SLCO3A1: variants seen among roughly 807,000 people sequenced by gnomAD.
SLCO3A1 encodes PGE1 transporter.
Under a neutral mutation model 63.1 loss-of-function variants are expected in SLCO3A1, and 27 were observed. That is an observed-to-expected ratio of 0.43 (90% CI 0.32 to 0.59). The LOEUF (loss-of-function observed/expected upper bound fraction) is 0.59. SLCO3A1 is among the 20% of genes least tolerant of loss of function. The probability of loss-of-function intolerance (pLI) is 0.09; values close to 1 mark genes in which losing one functional copy is unlikely to be tolerated. For missense variants in SLCO3A1, 773 were observed against 945.8 expected (o/e 0.82, Z 2.40); for synonymous variants, 473 against 409.9 (o/e 1.15, Z -1.86).
intron 10 of SLCO3A1, chr15:92,171,736 G>T: frequency 3.7e-6 from 5 of 1,357,014 alleles, no homozygotes; most frequent in African/African-American, 2.9e-5. Flanking sequence ...AGAAAAGACC[G>T]ATCTCTTTTT....
At chr15:91,914,461 T>C (rs1418896547) in intron 1 of SLCO3A1, among the ~76,000 whole-genome samples, 1 of 152,126 alleles carries the variant, frequency 6.6e-6, no homozygotes, top group African/African-American at 2.4e-5. Flanking sequence ...CCCTCCATGA[T>C]CTGTATTGTG....
At chr15:92,016,917 G>A (rs1017816734) in intron 2 of SLCO3A1, among the ~76,000 whole-genome samples, 5 of 152,148 alleles carry the variant, frequency 3.3e-5, no homozygotes, top group Non-Finnish European at 7.3e-5. Flanking sequence ...GGGCTTGATC[G>A]CACATTTGAA....
At chr15:92,103,000 C>T (rs896410971) in intron 3 of SLCO3A1, among the ~76,000 whole-genome samples, 1 of 152,182 alleles carries the variant, frequency 6.6e-6, no homozygotes, top group Non-Finnish European at 1.5e-5. Context: ...GGAAGGTTGG[C>T]TGGAACAGTT....
At chr15:91,978,872 T>A (rs1488934165) in intron 2 of SLCO3A1, among the ~76,000 whole-genome samples, 3 of 152,254 alleles carry the variant, frequency 2.0e-5, no homozygotes, top group African/African-American at 7.2e-5. Flanking sequence ...ATTGACCATA[T>A]CTGGCCCTTT....
chr15:92,135,189 C>A (rs891629617), intron 7 of SLCO3A1, among the ~76,000 whole-genome samples: 1 of 152,054 alleles, frequency 6.6e-6, no homozygotes. Flanking sequence ...ATGGAGGGGC[C>A]CTGTGTTCCT....
chr15:91,884,338 G>A (rs1004104134), intron 1 of SLCO3A1, among the ~76,000 whole-genome samples: 8 of 151,994 alleles, frequency 5.3e-5, no homozygotes, highest in South Asian at 4.2e-4. Flanking sequence ...GGGAAACACC[G>A]TCTCTACTTA....
rs532796532 is a variant in SLCO3A1, at chr15:91,874,395, C to G, written c.180+20307C>G. ...TTCTTCCCAGAGGGAAACTCCATAC[C>G]CATTAAAGATCACTGCCCACTCCCC... On this transcript the variant is annotated intron_variant, in intron 1 of 9. Transcript: ENST00000318445. Among the ~76,000 whole-genome samples the G allele has an allele frequency of 3.9e-5, 6 of 152,132 alleles. No individual in the cohort carries two copies. The South Asian group carries it at 1.2e-3, about 32-fold the overall frequency.
At chr15:92,102,825 G>A (rs1489402907) in intron 3 of SLCO3A1, among the ~76,000 whole-genome samples, 1 of 152,192 alleles carries the variant, frequency 6.6e-6, no homozygotes, top group African/African-American at 2.4e-5. Flanking sequence ...AGACATTGAA[G>A]AGGGGCAGTG....
chr15:91,930,227 C>T (rs1162670306), intron 2 of SLCO3A1, among the ~76,000 whole-genome samples: 1 of 152,170 alleles, frequency 6.6e-6, no homozygotes, highest in Non-Finnish European at 1.5e-5. Flanking sequence ...GCCTCCTCTA[C>T]TCGTCCCCTC....
intron 8 of SLCO3A1, 112 bp downstream of exon 8, chr15:92,147,271 G>C: frequency 1.8e-6 from 2 of 1,083,620 alleles, no homozygotes; most frequent in East Asian, 2.4e-5. Context: ...AGGTGAGCTA[G>C]GGCCACAGCA....
chr15:92,165,165 T>C lies in SLCO3A1; in HGVS notation c.*2030T>C. The C allele has an allele frequency of 1.0e-6, 1 of 985,382 alleles. No individual in the cohort carries two copies. The highest frequency in any genetic ancestry group is 1.2e-6 in the Non-Finnish European group (1 of 829,920). The allele number at this position is 985,382 out of a possible 1,614,324, so 61.0% of individuals were successfully genotyped here. ...GCAAGACCAACCAAAAGAAAAGCTG[T>C]GTCGTGGTATGGGGCCACCGTGATC... On this transcript the variant is annotated 3_prime_UTR_variant, in exon 10 of 10. Transcript: ENST00000318445.
Position 91,950,668 on chromosome 15 carries a change from T to C in SLCO3A1, c.646+34210T>C, listed in dbSNP as rs1458903305. ...TCCCGCTGTTTATTTAATGTACATGTTGTCTGACTTCATTTGGTTCTGTAT... is the reference window on the plus strand; with the variant it reads ...TCCCGCTGTTTATTTAATGTACATGCTGTCTGACTTCATTTGGTTCTGTAT... On this transcript the variant is annotated intron_variant, in intron 2 of 9. Coordinates refer to ENST00000318445, the MANE Select transcript of SLCO3A1 (RefSeq NM_013272.4). The surrounding 1 kb of genome is among the most constrained non-coding windows in gnomAD (Gnocchi z 4.4). Among the ~76,000 whole-genome samples the C allele has an allele frequency of 6.6e-6, 1 of 152,246 alleles. No individual in the cohort carries two copies. Among genetic ancestry groups the C allele is most frequent in the Non-Finnish European group, 1.5e-5 (1 of 68,040 alleles).
intron 2 of SLCO3A1, among the ~76,000 whole-genome samples, chr15:92,020,723 C>G (rs1313388802): frequency 6.6e-6 from 1 of 152,200 alleles, no homozygotes; most frequent in African/African-American, 2.4e-5. Context: ...TAGCTGGCTT[C>G]TTTTGACATT....
intron 2 of SLCO3A1, among the ~76,000 whole-genome samples, chr15:91,918,930 C>A (rs931703516): frequency 2.0e-5 from 3 of 152,194 alleles, no homozygotes; most frequent in African/African-American, 7.2e-5. Context: ...GGGCCCACAA[C>A]CAATTGTCTG....
At chr15:91,922,821 A>G (rs1411712863) in intron 2 of SLCO3A1, among the ~76,000 whole-genome samples, 2 of 152,212 alleles carry the variant, frequency 1.3e-5, no homozygotes, top group Admixed American at 1.3e-4. Flanking sequence ...TTTTGGCCAT[A>G]TTCCATTCCC....
chr15:91,855,216 C>T (rs1030488555), intron 1 of SLCO3A1, among the ~76,000 whole-genome samples: 22 of 152,190 alleles, frequency 1.4e-4, no homozygotes, highest in African/African-American at 4.6e-4. Context: ...ATTAATCCCT[C>T]ATTCCTGGCC....
At chr15:91,953,863 C>A (rs112109513) in intron 2 of SLCO3A1, among the ~76,000 whole-genome samples, 1 of 152,090 alleles carries the variant, frequency 6.6e-6, no homozygotes, top group African/African-American at 2.4e-5. Flanking sequence ...TGTGTTGATT[C>A]GTCTTTGGAA....
chr15:91,971,850 A>G (rs1392496160), intron 2 of SLCO3A1, among the ~76,000 whole-genome samples: 2 of 152,012 alleles, frequency 1.3e-5, no homozygotes, highest in Admixed American at 6.5e-5. Flanking sequence ...TCAACAGTTC[A>G]GTGTTTGTGG....
chr15:91,966,512 G>A (rs2151425392), intron 2 of SLCO3A1, among the ~76,000 whole-genome samples: 1 of 152,306 alleles, frequency 6.6e-6, no homozygotes, highest in East Asian at 1.9e-4. Context: ...AAAAATCCCT[G>A]TTAGAACTGG....
Sources: gnomAD v4.1 joint callset for allele counts (sites outside exome capture counted in the v4.1 genomes callset) on GRCh38, gnomAD v4.1.1 for gene constraint, Gnocchi (gnomAD v3.1) non-coding constraint, MANE v1.5 for transcripts, NCBI Gene and HGNC (gene_info 2026-07-23, HGNC 2026-07-21) for gene names.